Variants in C10orf67 observed in about 807,000 individuals in gnomAD.
The protein encoded by C10orf67 is uncharacterized protein C10orf67, mitochondrial.
In C10orf67, 60 loss-of-function variants were observed where a neutral mutation model predicts 35.6. That is an observed-to-expected ratio of 1.68 (90% CI 1.37 to 2.09). C10orf67 has a LOEUF of 2.09. Among genes scored for constraint, C10orf67 ranks in the 30% most tolerant of loss-of-function variants. The pLI is 0.00. For missense variants in C10orf67, 474 were observed against 330.2 expected, an observed-to-expected ratio of 1.44 and a Z score of -3.38; for synonymous variants, 167 against 115.8, an observed-to-expected ratio of 1.44 and a Z score of -2.84.
chr10:23,241,857 C>T (rs1172037326), intron 12 of C10orf67, among the ~76,000 whole-genome samples: 1 of 149,470 alleles, frequency 6.7e-6, no homozygotes, highest in Non-Finnish European at 1.5e-5. Context: ...CTAATGATAA[C>T]AAAAGATCAA....
intron 8 of C10orf67, among the ~76,000 whole-genome samples, chr10:23,281,470 T>G (rs879579409): frequency 4.6e-5 from 7 of 151,888 alleles, no homozygotes; most frequent in Non-Finnish European, 7.4e-5. Flanking sequence ...GGTAATCAGC[T>G]GAAAGCCAAA....
chr10:23,331,102 C>T (rs1393762670), intron 2 of C10orf67, among the ~76,000 whole-genome samples: 3 of 12,274 alleles, frequency 2.4e-4, no homozygotes, highest in African/African-American at 2.0e-3. Flanking sequence ...GGGGAGGGGA[C>T]TGGGACGGGA....
chr10:23,289,345 A>G (rs146884875), intron 7 of C10orf67, among the ~76,000 whole-genome samples: 20 of 152,182 alleles, frequency 1.3e-4, no homozygotes, highest in African/African-American at 4.8e-4. Context: ...TTTAATTTTT[A>G]TAAAGAAGGG....
intron 10 of C10orf67, among the ~76,000 whole-genome samples, chr10:23,259,104 A>C (rs1373585435): frequency 1.3e-5 from 2 of 152,164 alleles, no homozygotes; most frequent in Non-Finnish European, 2.9e-5. Context: ...CTTTTTTATC[A>C]ACAGCATCCA....
chr10:23,331,232 G>GCCA lies in C10orf67; in HGVS notation c.327+1829_327+1830insTGG, dbSNP rs1324640030. ...AGAGGGAAGGGAAGGGAAGGGAGGAGGGAAGGGAAGGGAAGGGAAGAGGGA... is the reference window on the plus strand; with the variant it reads ...AGAGGGAAGGGAAGGGAAGGGAGGAGCCAGGAAGGGAAGGGAAGGGAAGAGGGA... On this transcript the variant is annotated intron_variant, in intron 2 of 15. Transcript: ENST00000636213. Among the ~76,000 whole-genome samples, 11 of 4,326 alleles carry GCCA rather than the reference G, an allele frequency of 2.5e-3. 1 individual carries two copies. The highest frequency in any genetic ancestry group is 0.01 in the South Asian group (1 of 100). 2.8% of individuals were successfully genotyped at this position (4,326 alleles called of 152,430 possible).
intron 10 of C10orf67, among the ~76,000 whole-genome samples, chr10:23,263,581 T>C (rs4359107): frequency 0.14 from 20,830 of 152,172 alleles, 2,722 homozygotes; most frequent in East Asian, 0.66. Context: ...TGACTGATTT[T>C]CTCCTATGTC....
At chr10:23,309,023 C>T (rs1844394263) in intron 4 of C10orf67, among the ~76,000 whole-genome samples, 1 of 151,996 alleles carries the variant, frequency 6.6e-6, no homozygotes, top group South Asian at 2.1e-4. Flanking sequence ...TACTTTCTAA[C>T]TAATTTTTAT....
intron 15 of C10orf67, among the ~76,000 whole-genome samples, chr10:23,220,552 G>A (rs1841549215): frequency 6.6e-6 from 1 of 152,134 alleles, no homozygotes; most frequent in Admixed American, 6.6e-5. Context: ...TATTTTCCAT[G>A]TTGTCATGCA....
At chr10:23,275,843 G>T (rs1196422501) in intron 8 of C10orf67, among the ~76,000 whole-genome samples, 1 of 152,030 alleles carries the variant, frequency 6.6e-6, no homozygotes, top group African/African-American at 2.4e-5. Flanking sequence ...AAGTTGGGCG[G>T]GAGTCACTTT....
At chr10:23,239,702 C>G (rs1842131727) in intron 13 of C10orf67, 27 bp downstream of exon 13, 3 of 619,776 alleles carry the variant, frequency 4.8e-6, no homozygotes, top group Admixed American at 4.1e-5. Context: ...AAGAGACAAA[C>G]AGCATCTAAA....
At position 23,236,251 on chromosome 10, in the gene C10orf67, GGGAAAA is replaced by G. The variant is rs1564465767; in HGVS notation, c.1434+3472_1434+3477del. Among the ~76,000 whole-genome samples the G allele has an allele frequency of 1.5e-4, 14 of 94,540 alleles. 1 individual carries two copies. Among genetic ancestry groups the G allele is most frequent in the African/African-American group, 8.2e-4 (14 of 17,088 alleles). The allele number at this position is 94,540 out of a possible 152,430, so 62.0% of individuals were successfully genotyped here. A position where few individuals can be genotyped will look rare whatever the true frequency, so the allele number is the denominator to read the frequency against. On this transcript the variant is annotated intron_variant, in intron 13 of 15. Transcript: ENST00000636213. ...GCGACAGAGCGAGACTCCCTCTCGG[GGGAAAA>G]AAAAAAAAAAAAAAAAAAAAAAAAA...
At chr10:23,252,757 T>C (rs1842490297) in intron 10 of C10orf67, among the ~76,000 whole-genome samples, 1 of 152,090 alleles carries the variant, frequency 6.6e-6, no homozygotes, top group South Asian at 2.1e-4. Flanking sequence ...TGTTTGTTTT[T>C]GATGAATTCA....
Position 23,264,548 on chromosome 10 carries a change from G to A in C10orf67, c.1200+1714C>T, listed in dbSNP as rs546559073. ...TGAAATGACACCTTCTCAGAGATTT[G>A]TCAGTCTTTGTCCTTTATTTTGCAT... On this transcript the variant is annotated intron_variant, in intron 10 of 15. Coordinates refer to ENST00000636213, the MANE Select transcript of C10orf67 (RefSeq NM_001371909.1). 2.6e-5 allele frequency among the ~76,000 whole-genome samples: 4 copies of A among 152,280 alleles called. No individual in the cohort carries two copies. The East Asian group carries it at 7.7e-4, about 29-fold the overall frequency.
rs564192134 is a variant in C10orf67, at chr10:23,344,742, A to C, written c.33T>G (p.Tyr11Ter). 1.8e-5 allele frequency: 28 copies of C among 1,571,324 alleles called. No individual in the cohort carries two copies. The South Asian group carries it at 3.2e-4, about 18-fold the overall frequency. The change falls in exon 1 of 16, where the codon TAT becomes TAG. Residue 11 changes from tyrosine to a stop codon, truncating the protein, a stop_gained. Coordinates refer to ENST00000636213, the MANE Select transcript of C10orf67 (RefSeq NM_001371909.1). LOFTEE classifies it high-confidence loss of function. MALVRDRRAH[Y>*]VMSIVIRWVH... is the part of the protein sequence containing the mutation. ...CCCATCTAATAACTATGCTCATGACATAATGAGCCCTGCGATCCCGGACCA... is the reference window on the plus strand; with the variant it reads ...CCCATCTAATAACTATGCTCATGACCTAATGAGCCCTGCGATCCCGGACCA...
At chr10:23,249,777 C>G (rs1842403205) in intron 12 of C10orf67, among the ~76,000 whole-genome samples, 1 of 152,156 alleles carries the variant, frequency 6.6e-6, no homozygotes, top group Non-Finnish European at 1.5e-5. Flanking sequence ...CTGGATGATG[C>G]TTGACTGTGA....
chr10:23,261,001 C>T (rs917409238), intron 10 of C10orf67, among the ~76,000 whole-genome samples: 6 of 152,154 alleles, frequency 3.9e-5, no homozygotes, highest in Non-Finnish European at 7.3e-5. Context: ...GGGAGACAGA[C>T]CACCAGAATC....
chr10:23,253,259 T>C (rs1842508965), intron 10 of C10orf67, among the ~76,000 whole-genome samples: 1 of 152,222 alleles, frequency 6.6e-6, no homozygotes, highest in Admixed American at 6.5e-5. Flanking sequence ...GATTCATCAG[T>C]ACGTGGGTTG....
chr10:23,291,972 T>C (rs1843731220), intron 5 of C10orf67, among the ~76,000 whole-genome samples: 1 of 152,116 alleles, frequency 6.6e-6, no homozygotes, highest in South Asian at 2.1e-4. Context: ...TAAATCTCTA[T>C]GCAAACAGTG....
At chr10:23,286,575 TGGGAAGGA>T (rs1252228446) in intron 7 of C10orf67, among the ~76,000 whole-genome samples, 3 of 27,064 alleles carry the variant, frequency 1.1e-4, no homozygotes, top group African/African-American at 2.8e-4. Flanking sequence ...GAGGGAAGGG[TGGGAAGGA>T]GGGAAGGAGG....
Sources: allele counts gnomAD v4.1 joint callset (sites outside exome capture counted in the v4.1 genomes callset), GRCh38; gene constraint gnomAD v4.1.1; transcripts MANE v1.5; gene names NCBI Gene and HGNC (gene_info 2026-07-23, HGNC 2026-07-21).